The following KDM5B variants were observed in gnomAD, a reference collection of about 807,000 sequenced individuals.
KDM5B encodes lysine-specific demethylase 5B.
Under a neutral mutation model 193.4 loss-of-function variants are expected in KDM5B, and 144 were observed. The observed-to-expected ratio is 0.74, with a 90% CI of 0.65 to 0.86. The LOEUF (loss-of-function observed/expected upper bound fraction) is 0.86. Among genes scored for constraint, KDM5B ranks in the 40% least tolerant of loss-of-function variants. The pLI is 0.00. For synonymous variants in KDM5B, 668 were observed against 682.6 expected, an observed-to-expected ratio of 0.98 and a Z score of 0.33; for missense variants, 1,833 against 1,886.9, an observed-to-expected ratio of 0.97 and a Z score of 0.53.
At chr1:202,784,607 A>G (rs1419240917) in intron 1 of KDM5B, among the ~76,000 whole-genome samples, 1 of 152,248 alleles carries the variant, frequency 6.6e-6, no homozygotes, top group African/African-American at 2.4e-5. Flanking sequence ...AGGTAGAACT[A>G]GGTCTATCAC....
intron 22 of KDM5B, among the ~76,000 whole-genome samples, chr1:202,734,668 T>G (rs566380050): frequency 1.3e-5 from 2 of 152,336 alleles, no homozygotes; most frequent in East Asian, 3.9e-4. Flanking sequence ...ATGGAGGACC[T>G]CTGATGGCAG....
Position 202,728,373 on chromosome 1 carries a change from G to C in KDM5B, c.*663C>G, listed in dbSNP as rs1393131509. On this transcript the variant is annotated 3_prime_UTR_variant, in exon 27 of 27. Coordinates refer to ENST00000367265, the MANE Select transcript of KDM5B (RefSeq NM_006618.5). ...AGTTCATCAGTGACACTAGAAACTA[G>C]ACATTTGTGTTCTGTACATCAATCA... 1 of 152,636 alleles carries C rather than the reference G, an allele frequency of 6.6e-6. No individual in the cohort carries two copies. Among genetic ancestry groups the C allele is most frequent in the African/African-American group, 2.4e-5 (1 of 41,440 alleles). 9.5% of individuals were successfully genotyped at this position (152,636 alleles called of 1,614,324 possible). A position where few individuals can be genotyped will look rare whatever the true frequency, so the allele number is the denominator to read the frequency against.
At chr1:202,783,189 A>G (rs1657267501) in intron 1 of KDM5B, among the ~76,000 whole-genome samples, 1 of 152,132 alleles carries the variant, frequency 6.6e-6, no homozygotes, top group Non-Finnish European at 1.5e-5. Context: ...AATCACTTGA[A>G]CCCAGGAGGC....
chr1:202,776,532 T>C (rs1350879414), intron 2 of KDM5B, among the ~76,000 whole-genome samples: 1 of 151,968 alleles, frequency 6.6e-6, no homozygotes, highest in African/African-American at 2.4e-5. Context: ...CACAATTCTG[T>C]GTGTGTGTAT....
chr1:202,761,207 C>T (rs1490020182), intron 7 of KDM5B, among the ~76,000 whole-genome samples: 1 of 152,036 alleles, frequency 6.6e-6, no homozygotes, highest in Admixed American at 6.6e-5. Flanking sequence ...TTTGGGGGCC[C>T]TGGCAGGACT....
chr1:202,801,609 T>G (rs1212523083), intron 1 of KDM5B, among the ~76,000 whole-genome samples: 7 of 152,206 alleles, frequency 4.6e-5, no homozygotes. Flanking sequence ...GTGTACAATT[T>G]AATTTTTCAT....
At chr1:202,735,962 C>T (rs146165870) in intron 21 of KDM5B, among the ~76,000 whole-genome samples, 4 of 152,284 alleles carry the variant, frequency 2.6e-5, no homozygotes, top group African/African-American at 9.6e-5. Context: ...TTTAAGAGTC[C>T]AATTTCAACA....
chr1:202,790,335 T>G (rs1348172368), intron 1 of KDM5B, among the ~76,000 whole-genome samples: 1 of 152,076 alleles, frequency 6.6e-6, no homozygotes, highest in South Asian at 2.1e-4. Flanking sequence ...CTCAGCACTT[T>G]TGGAGGCCAA....
At chr1:202,732,041 G>GAAA in intron 23 of KDM5B, 102 bp from the exon 24 acceptor site, 1 of 548,154 alleles carries the variant, frequency 1.8e-6, no homozygotes, top group Non-Finnish European at 3.1e-6. Flanking sequence ...GGCAACCAGG[G>GAAA]GAAAAAAAAA....
intron 5 of KDM5B, among the ~76,000 whole-genome samples, chr1:202,766,724 T>G (rs555910902): frequency 1.3e-4 from 20 of 152,274 alleles, no homozygotes; most frequent in Non-Finnish European, 2.4e-4. Flanking sequence ...AGCATAAATT[T>G]AGAAAGACTT....
chr1:202,800,595 C>T (rs1367371982), intron 1 of KDM5B, among the ~76,000 whole-genome samples: 1 of 152,142 alleles, frequency 6.6e-6, no homozygotes, highest in Non-Finnish European at 1.5e-5. Context: ...CTGCCTGGAG[C>T]CTCCCAAAGT....
At chr1:202,746,388 C>T (rs1655561810) in intron 14 of KDM5B, 65 bp from the exon 15 acceptor site, 2 of 985,066 alleles carry the variant, frequency 2.0e-6, no homozygotes, top group Non-Finnish European at 2.9e-6. Flanking sequence ...CCAAGACAAA[C>T]ATGCAGTAGT....
chr1:202,786,125 G>T, intron 1 of KDM5B, among the ~76,000 whole-genome samples: 1 of 143,402 alleles, frequency 7.0e-6, no homozygotes, highest in South Asian at 2.2e-4. Context: ...TCAGCCTCCA[G>T]AGTACCTGGG....
In KDM5B at chr1:202,777,090, C is replaced by T; in HGVS notation, c.209G>A (p.Trp70Ter). 6.2e-7 allele frequency: 1 copy of T among 1,611,740 alleles called. No individual in the cohort carries two copies. Among genetic ancestry groups the T allele is most frequent in the Non-Finnish European group, 8.5e-7 (1 of 1,177,990 alleles). Residue 70 changes from tryptophan to a stop codon, truncating the protein, a stop_gained, in exon 2 of 27, where the codon TGG (tryptophan) becomes TAG (stop). Coordinates refer to ENST00000367265, the MANE Select transcript of KDM5B (RefSeq NM_006618.5). LOFTEE classifies it high-confidence loss of function. ...GICKVRPPPDWQPPFACDVDK... is the reference protein window; with the variant it reads ...GICKVRPPPD ...AACATCACATGCAAATGGTGGCTGC[C>T]AATCCTAGGAGAAAGCAAAGGCTCT...
At chr1:202,784,135 A>G (rs1249438359) in intron 1 of KDM5B, among the ~76,000 whole-genome samples, 1 of 152,260 alleles carries the variant, frequency 6.6e-6, no homozygotes, top group Non-Finnish European at 1.5e-5. Flanking sequence ...AAATGCCAGG[A>G]AAATTCACTC....
chr1:202,774,769 T>G (rs780904175), intron 2 of KDM5B, 34 bp from the exon 3 acceptor site: 1 of 1,598,926 alleles, frequency 6.3e-7, no homozygotes, highest in South Asian at 1.1e-5. Context: ...TCATCTCATT[T>G]AGCTTATTTT....
intron 6 of KDM5B, 59 bp downstream of exon 6, chr1:202,763,990 G>A: frequency 1.1e-6 from 1 of 943,858 alleles, no homozygotes; most frequent in Non-Finnish European, 1.6e-6. Context: ...GTTTACTTAT[G>A]AATAGTTATT....
rs984223218 is a variant in KDM5B, at chr1:202,731,170, C to T, written c.4022-107G>A. The T allele has an allele frequency of 6.4e-6, 5 of 782,830 alleles. No homozygotes were observed. The African/African-American group carries it at 8.8e-5, about 14-fold the overall frequency. The allele number at this position is 782,830 out of a possible 1,614,324, so 48.5% of individuals were successfully genotyped here. The stretch of plus-strand genomic sequence containing the variant: ...GGACTGCCCCTAATACCACTACTAC[C>T]CTCTCCTTCTTAAATTACAAATTAC... On this transcript the variant is annotated intron_variant, in intron 24 of 26. Transcript: ENST00000367265.
chr1:202,751,498 A>G (rs1017288724), intron 12 of KDM5B, among the ~76,000 whole-genome samples: 1 of 152,122 alleles, frequency 6.6e-6, no homozygotes, highest in Admixed American at 6.5e-5. Context: ...GGTTCTGTGT[A>G]AAGACTACTA....
Sources: allele counts gnomAD v4.1 joint callset (sites outside exome capture counted in the v4.1 genomes callset), GRCh38; gene constraint gnomAD v4.1.1; transcripts MANE v1.5; gene names NCBI Gene and HGNC (gene_info 2026-07-23, HGNC 2026-07-21).